Variants in BANP observed in about 807,000 individuals in gnomAD.
The protein encoded by BANP is protein BANP.
In BANP, 11 loss-of-function variants were observed where a neutral mutation model predicts 68.1. That is an observed-to-expected ratio of 0.16 (90% CI 0.10 to 0.27). The LOEUF (loss-of-function observed/expected upper bound fraction) is 0.27, where lower values mean the gene tolerates loss of function less well. Ranked by LOEUF, BANP falls within the 10% of genes least tolerant of loss-of-function variation. The pLI, the probability that BANP is intolerant of heterozygous loss-of-function variation, is 1.00. For synonymous variants in BANP, 329 were observed against 303.2 expected (o/e 1.09, Z -0.88); for missense variants, 504 against 722.7 (o/e 0.70, Z 3.47).
At chr16:88,008,596 T>A (rs964816895) in intron 6 of BANP, among the ~76,000 whole-genome samples, 4 of 152,224 alleles carry the variant, frequency 2.6e-5, no homozygotes, top group African/African-American at 9.6e-5. Context: ...AATGAACTTA[T>A]GAGACGATAT....
chr16:88,071,350 C>T lies in BANP; in HGVS notation c.1378-719C>T, dbSNP rs7498497. 106,643 of 391,690 alleles carry T rather than the reference C, an allele frequency of 0.27. 18,032 individuals are homozygous for T. The highest frequency in any genetic ancestry group is 0.38 in the Non-Finnish European group (74,654 of 195,416). 24.3% of individuals were successfully genotyped at this position (391,690 alleles called of 1,614,324 possible). A position where few individuals can be genotyped will look rare whatever the true frequency, so the allele number is the denominator to read the frequency against. On this transcript the variant is annotated intron_variant, in intron 12 of 13. Coordinates refer to ENST00000682872, the MANE Select transcript of BANP (RefSeq NM_001386991.1). This position sits in a 1 kb window ranked among gnomAD's most constrained non-coding sequence, Gnocchi z 6.5. The stretch of plus-strand genomic sequence containing the variant: ...AGCTGCCTGCCTGGATGTTGGAGCG[C>T]CCAGTGGATTGAGTGGGAAGTGGGC...
intron 6 of BANP, chr16:88,017,509 G>A (rs2074856787): frequency 6.6e-6 from 1 of 152,246 alleles, no homozygotes; most frequent in African/African-American, 2.4e-5. Context: ...GTCAACCTGA[G>A]GACAACCCGG....
intron 8 of BANP, 122 bp downstream of exon 8, chr16:88,027,772 A>G: frequency 1.6e-6 from 2 of 1,225,716 alleles, no homozygotes; most frequent in African/African-American, 3.1e-5. Context: ...CCGAGGCCAG[A>G]GGCTTGCGCG....
At chr16:88,014,972 G>A (rs2074124935) in intron 6 of BANP, among the ~76,000 whole-genome samples, 1 of 152,062 alleles carries the variant, frequency 6.6e-6, no homozygotes, top group South Asian at 2.1e-4. Context: ...GGATTACTGA[G>A]CAGCTCTGTA....
chr16:88,059,164 G>C lies in BANP; in HGVS notation c.1312-6103G>C, dbSNP rs1034324397. 4.2e-5 allele frequency among the ~76,000 whole-genome samples: 6 copies of C among 143,900 alleles called. No individual in the cohort carries two copies. In the East Asian group the frequency reaches 1.2e-3, roughly 29 times the overall value. The allele number at this position is 143,900 out of a possible 152,430, so 94.4% of individuals were successfully genotyped here. A position where few individuals can be genotyped will look rare whatever the true frequency, so the allele number is the denominator to read the frequency against. ...GTCCGTGCTCCTGCTGGTGTGCTGT[G>C]GTCCATGCTCCTGCTGGTGGCGGGG... On this transcript the variant is annotated intron_variant, in intron 11 of 13. Transcript: ENST00000682872.
At chr16:87,982,977 G>A (rs970166489) in intron 3 of BANP, among the ~76,000 whole-genome samples, 5 of 151,750 alleles carry the variant, frequency 3.3e-5, no homozygotes, top group African/African-American at 1.2e-4. Flanking sequence ...CCGCTCCCCT[G>A]TCAATGTGGG....
chr16:88,020,049 A>G (rs1567775090), intron 7 of BANP, among the ~76,000 whole-genome samples: 3 of 152,210 alleles, frequency 2.0e-5, no homozygotes, highest in Non-Finnish European at 4.4e-5. Context: ...CCCTGAGGGT[A>G]GTATCAGATA....
At chr16:87,956,390 C>T (rs559122034) in intron 1 of BANP, among the ~76,000 whole-genome samples, 17 of 152,330 alleles carry the variant, frequency 1.1e-4, no homozygotes, top group African/African-American at 4.1e-4. Context: ...TTTCTCTTCA[C>T]ACGGGTGACG....
chr16:87,958,277 A>C (rs971762794), intron 1 of BANP, among the ~76,000 whole-genome samples: 1 of 152,100 alleles, frequency 6.6e-6, no homozygotes, highest in African/African-American at 2.4e-5. Context: ...ACCCACATCA[A>C]TTGAGTGGGC....
At chr16:88,063,662 G>C (rs183740498) in intron 11 of BANP, among the ~76,000 whole-genome samples, 1 of 152,196 alleles carries the variant, frequency 6.6e-6, no homozygotes, top group African/African-American at 2.4e-5. Flanking sequence ...TTGGGAAGCC[G>C]TGTTGCTGAT....
intron 10 of BANP, 24 bp from the exon 11 acceptor site, chr16:88,037,949 G>A (rs762712156): frequency 8.1e-6 from 13 of 1,612,352 alleles, no homozygotes; most frequent in African/African-American, 4.0e-5. Context: ...ACTCATGACC[G>A]TCTCCTCCTC....
intron 11 of BANP, among the ~76,000 whole-genome samples, chr16:88,051,106 A>G (rs2083159160): frequency 6.6e-6 from 1 of 152,222 alleles, no homozygotes. Flanking sequence ...GCCACAGCCA[A>G]GCTGTTGACC....
At chr16:88,025,552 A>G (rs2076830519) in intron 7 of BANP, among the ~76,000 whole-genome samples, 2 of 152,320 alleles carry the variant, frequency 1.3e-5, no homozygotes, top group East Asian at 3.9e-4. Context: ...TCATCCTACA[A>G]ATCCCACCGT....
At chr16:88,001,579 A>C (rs2069359573) in intron 4 of BANP, among the ~76,000 whole-genome samples, 1 of 152,266 alleles carries the variant, frequency 6.6e-6, no homozygotes, top group African/African-American at 2.4e-5. Context: ...GCGTTAGTTG[A>C]AAGCGTGTAG....
At chr16:88,065,367 C>G (rs1481923271) in intron 12 of BANP, 35 bp downstream of exon 12, 1 of 742,316 alleles carries the variant, frequency 1.3e-6, no homozygotes, top group Non-Finnish European at 2.5e-6. Flanking sequence ...CTCCCACCCT[C>G]TGTGGCTGGG....
chr16:87,976,302 A>G (rs552080198), intron 2 of BANP, among the ~76,000 whole-genome samples: 1 of 152,142 alleles, frequency 6.6e-6, no homozygotes, highest in South Asian at 2.1e-4. Context: ...TTTTTTCTAC[A>G]CCTTTGCTAA....
At chr16:87,988,265 T>C (rs1334512730) in intron 4 of BANP, among the ~76,000 whole-genome samples, 1 of 152,166 alleles carries the variant, frequency 6.6e-6, no homozygotes, top group Non-Finnish European at 1.5e-5. Flanking sequence ...TTATTTATTT[T>C]GGGACTCAGA....
At chr16:87,970,061 C>A (rs1043049040) in intron 1 of BANP, 1 of 152,174 alleles carries the variant, frequency 6.6e-6, no homozygotes, top group Non-Finnish European at 1.5e-5. Context: ...GCATGTGCCA[C>A]CATACCCTGC....
rs1171264220 is a variant in BANP, at chr16:88,071,349, G to A, written c.1378-720G>A. 14 of 390,060 alleles carry A rather than the reference G, an allele frequency of 3.6e-5. No individual in the cohort carries two copies. Among genetic ancestry groups the A allele is most frequent in the Non-Finnish European group, 5.1e-5 (10 of 194,894 alleles). The allele number at this position is 390,060 out of a possible 1,614,324, so 24.2% of individuals were successfully genotyped here. ...GAGCTGCCTGCCTGGATGTTGGAGC[G>A]CCCAGTGGATTGAGTGGGAAGTGGG... On this transcript the variant is annotated intron_variant, in intron 12 of 13. Transcript: ENST00000682872. The surrounding 1 kb of genome is among the most constrained non-coding windows in gnomAD (Gnocchi z 6.5).
Sources: gnomAD v4.1 joint callset for allele counts (sites outside exome capture counted in the v4.1 genomes callset) on GRCh38, gnomAD v4.1.1 for gene constraint, Gnocchi (gnomAD v3.1) non-coding constraint, MANE v1.5 for transcripts, NCBI Gene and HGNC (gene_info 2026-07-23, HGNC 2026-07-21) for gene names.